The following THSD4 variants were observed in gnomAD, a reference collection of about 807,000 sequenced individuals.
THSD4 encodes thrombospondin type 1 domain containing 4.
Under a neutral mutation model 119.0 loss-of-function variants are expected in THSD4, and 69 were observed. That is an observed-to-expected ratio of 0.58 (90% CI 0.48 to 0.71). The LOEUF is 0.71. Among genes scored for constraint, THSD4 ranks in the 30% least tolerant of loss-of-function variants. The probability of loss-of-function intolerance (pLI) is 0.00; values close to 1 mark genes in which losing one functional copy is unlikely to be tolerated. For synonymous variants in THSD4, 524 were observed against 540.4 expected, an observed-to-expected ratio of 0.97 and a Z score of 0.42; for missense variants, 1,393 against 1,391.1, an observed-to-expected ratio of 1.00 and a Z score of -0.02.
chr15:71,740,387 C>G (rs1011978740), intron 11 of THSD4, among the ~76,000 whole-genome samples: 6 of 152,100 alleles, frequency 3.9e-5, no homozygotes, highest in African/African-American at 1.4e-4. Context: ...ATGTGTGATG[C>G]CCATCAAAGG....
At chr15:71,524,688 C>T (rs1316154959) in intron 7 of THSD4, among the ~76,000 whole-genome samples, 1 of 145,086 alleles carries the variant, frequency 6.9e-6, no homozygotes, top group East Asian at 2.0e-4. Flanking sequence ...ACTCCGCCTC[C>T]TGGGTTCATG....
intron 3 of THSD4, among the ~76,000 whole-genome samples, chr15:71,204,223 G>A (rs1161998708): frequency 6.6e-6 from 1 of 152,220 alleles, no homozygotes; most frequent in Non-Finnish European, 1.5e-5. Flanking sequence ...CAGTTTCCAT[G>A]TGGCTGGTGA....
chr15:71,249,579 AGTT>A (rs1170820635), intron 5 of THSD4, among the ~76,000 whole-genome samples: 1 of 151,940 alleles, frequency 6.6e-6, no homozygotes, highest in Admixed American at 6.6e-5. Context: ...GATTATAGAA[AGTT>A]GTTCTCTTAT....
intron 6 of THSD4, among the ~76,000 whole-genome samples, chr15:71,271,128 G>T (rs952320780): frequency 1.3e-5 from 2 of 150,098 alleles, no homozygotes; most frequent in Non-Finnish European, 3.0e-5. Context: ...TCATTCAAGA[G>T]AAATGAAAGT....
chr15:71,115,351 G>C (rs1316162353), upstream of THSD4: 1 of 152,412 alleles, frequency 6.6e-6, no homozygotes, highest in Non-Finnish European at 1.5e-5. The surrounding 1 kb of genome is among the most constrained non-coding windows in gnomAD (Gnocchi z 4.4). Flanking sequence ...GGTGCGGATG[G>C]GGGCCGGCCC....
intron 6 of THSD4, among the ~76,000 whole-genome samples, chr15:71,306,017 T>A (rs1437541420): frequency 6.6e-6 from 1 of 152,134 alleles, no homozygotes; most frequent in East Asian, 1.9e-4. Context: ...GGCATTAAGA[T>A]GAGAGACGGG....
chr15:71,670,340 C>T (rs2051498677), intron 8 of THSD4, among the ~76,000 whole-genome samples: 1 of 151,766 alleles, frequency 6.6e-6, no homozygotes, highest in African/African-American at 2.4e-5. Context: ...GTTTGGTTTT[C>T]TGTCCTGGCA....
intron 7 of THSD4, among the ~76,000 whole-genome samples, chr15:71,425,095 A>G (rs914107238): frequency 6.6e-6 from 1 of 152,196 alleles, no homozygotes; most frequent in African/African-American, 2.4e-5. Context: ...CTTTGAAATC[A>G]TAGGGGAGGA....
intron 7 of THSD4, among the ~76,000 whole-genome samples, chr15:71,640,484 C>T (rs1373316646): frequency 6.6e-6 from 1 of 152,088 alleles, no homozygotes; most frequent in Non-Finnish European, 1.5e-5. Flanking sequence ...GGACTGGTCT[C>T]AAATTCTCCC....
intron 7 of THSD4, among the ~76,000 whole-genome samples, chr15:71,463,189 T>C (rs1054497048): frequency 1.3e-5 from 2 of 152,208 alleles, no homozygotes; most frequent in Non-Finnish European, 2.9e-5. Flanking sequence ...CCCATTGAAG[T>C]CATTCTGATA....
At chr15:71,289,006 C>A (rs1314051549) in intron 6 of THSD4, among the ~76,000 whole-genome samples, 1 of 152,152 alleles carries the variant, frequency 6.6e-6, no homozygotes, top group Non-Finnish European at 1.5e-5. Context: ...AGGAAGATAG[C>A]TAAATGTTGC....
At chr15:71,375,923 C>G (rs1051504131) in intron 6 of THSD4, among the ~76,000 whole-genome samples, 8 of 152,174 alleles carry the variant, frequency 5.3e-5, no homozygotes, top group African/African-American at 9.7e-5. Flanking sequence ...TTGAGAACAA[C>G]TGACCTAGCA....
intron 7 of THSD4, among the ~76,000 whole-genome samples, chr15:71,517,105 C>T (rs535746783): frequency 3.8e-4 from 58 of 152,252 alleles, no homozygotes; most frequent in African/African-American, 1.3e-3. Context: ...GACTAACATA[C>T]AAGATTATCA....
intron 8 of THSD4, among the ~76,000 whole-genome samples, chr15:71,707,797 A>G (rs1197603223): frequency 6.6e-6 from 1 of 152,164 alleles, no homozygotes. Flanking sequence ...TTAACTTCTA[A>G]CCAAGCAAGC....
chr15:71,588,022 C>T (rs1054857897), intron 7 of THSD4, among the ~76,000 whole-genome samples: 3 of 146,934 alleles, frequency 2.0e-5, no homozygotes, highest in African/African-American at 7.5e-5. Context: ...AGAATCTTGT[C>T]ATGGCCGGGC....
intron 6 of THSD4, among the ~76,000 whole-genome samples, chr15:71,377,715 G>T (rs533377196): frequency 5.9e-5 from 9 of 152,174 alleles, no homozygotes; most frequent in African/African-American, 2.2e-4. Flanking sequence ...TAAGCTAACC[G>T]TGTATCTCCA....
intron 7 of THSD4, among the ~76,000 whole-genome samples, chr15:71,527,482 C>G (rs781587343): frequency 5.3e-5 from 8 of 151,970 alleles, no homozygotes; most frequent in Non-Finnish European, 1.2e-4. Context: ...AATGTATTCC[C>G]CATTAATGCC....
At chr15:71,381,879 A>T (rs565254974) in intron 6 of THSD4, among the ~76,000 whole-genome samples, 1 of 152,182 alleles carries the variant, frequency 6.6e-6, no homozygotes, top group Non-Finnish European at 1.5e-5. Flanking sequence ...TATAGTTAAC[A>T]TATCAAGTAA....
intron 8 of THSD4, among the ~76,000 whole-genome samples, chr15:71,677,444 G>A (rs2141024214): frequency 6.6e-6 from 1 of 152,342 alleles, no homozygotes; most frequent in East Asian, 1.9e-4. Flanking sequence ...CCCTCTTGCT[G>A]TGATTTGGAA....
Sources: gnomAD v4.1 joint callset for allele counts (sites outside exome capture counted in the v4.1 genomes callset) on GRCh38, gnomAD v4.1.1 for gene constraint, Gnocchi (gnomAD v3.1) non-coding constraint, MANE v1.5 for transcripts, NCBI Gene and HGNC (gene_info 2026-07-23, HGNC 2026-07-21) for gene names.